The following TACC3 variants were observed in gnomAD, a reference collection of about 807,000 sequenced individuals.
The protein encoded by TACC3 is transforming acidic coiled-coil-containing protein 3.
TACC3 carries 52 observed loss-of-function variants against 86.0 expected under a neutral mutation model. The observed-to-expected ratio is 0.60, with a 90% confidence interval of 0.48 to 0.76. The LOEUF (loss-of-function observed/expected upper bound fraction) is 0.76, where lower values mean the gene tolerates loss of function less well. Ranked by LOEUF, TACC3 falls within the 30% of genes least tolerant of loss-of-function variation. The pLI is 0.00. For synonymous variants in TACC3, 512 were observed against 430.0 expected (o/e 1.19, Z -2.36); for missense variants, 1,120 against 1,070.4 (o/e 1.05, Z -0.65).
chr4:1,721,847 G>C (rs1470557163), intron 1 of TACC3: 3 of 152,268 alleles, frequency 2.0e-5, no homozygotes, highest in Non-Finnish European at 4.4e-5. Flanking sequence ...CCGCCGGGCT[G>C]GGCCCCCTGG....
chr4:1,737,197 A>G (rs375361717), intron 8 of TACC3, 44 bp from the exon 9 acceptor site: 45 of 1,531,214 alleles, frequency 2.9e-5, no homozygotes, highest in Non-Finnish European at 4.0e-5. Flanking sequence ...CCTACTCAAC[A>G]CTGGGAGGGC....
chr4:1,739,392 A>G (rs1577222960), intron 10 of TACC3: 1 of 456,576 alleles, frequency 2.2e-6, no homozygotes, highest in African/African-American at 2.0e-5. Context: ...AACACTTAGG[A>G]CCCCTAGTAT....
At chr4:1,730,745 C>G (rs1477848113) in intron 4 of TACC3, 142 bp from the exon 5 acceptor site, 1 of 994,824 alleles carries the variant, frequency 1.0e-6, no homozygotes, top group Non-Finnish European at 1.6e-6. Context: ...TGGGACAGCC[C>G]CATGCCTGGC....
intron 1 of TACC3, 107 bp downstream of exon 1, chr4:1,721,750 TC>T: frequency 6.6e-6 from 1 of 152,194 alleles, no homozygotes; most frequent in Non-Finnish European, 1.5e-5. Flanking sequence ...GCCGCCGCTT[TC>T]CCCGGGAAGC....
At position 1,728,140 on chromosome 4, in the gene TACC3, A is replaced by C. The variant is rs956284227; in HGVS notation, c.738A>C (p.Ala246=). 2 of 1,611,918 alleles carry C rather than the reference A, an allele frequency of 1.2e-6. No individual in the cohort carries two copies. Among genetic ancestry groups the C allele is most frequent in the East Asian group, 4.5e-5 (2 of 44,820 alleles). The change falls in exon 4 of 16, where the codon GCA becomes GCC. Residue 246 remains alanine (A), a synonymous_variant. Coordinates refer to ENST00000313288, the MANE Select transcript of TACC3 (RefSeq NM_006342.3). ...ACGGTGGGGTCTGTGCTCCCGCAGC[A>C]GTGGCCACTTCGCCTCCTGGTGCAA... ...CRHGGVCAPA[A]VATSPPGAIP... is the part of the protein sequence containing the mutation.
At chr4:1,720,855 G>GCA, upstream of TACC3, 1 of 1,560,924 alleles carries the variant, frequency 6.4e-7, no homozygotes, top group East Asian at 2.4e-5. This position sits in a 1 kb window ranked among gnomAD's most constrained non-coding sequence, Gnocchi z 4.4. Flanking sequence ...CCGCCGGGAA[G>GCA]CTGTCGAGCT....
upstream of TACC3, chr4:1,721,435 TC>T (rs1404506088): frequency 1.3e-4 from 20 of 151,690 alleles, no homozygotes; most frequent in East Asian, 3.9e-3. Context: ...ACGCCCGCCC[TC>T]CTGCGGTCCT....
Position 1,735,724 on chromosome 4 carries a change from TC to T in TACC3, c.1645-3del. 1.2e-6 allele frequency: 2 copies of T among 1,609,200 alleles called. No individual in the cohort carries two copies. Among genetic ancestry groups the T allele is most frequent in the African/African-American group, 1.3e-5 (1 of 74,946 alleles). The stretch of plus-strand genomic sequence containing the variant: ...TCAGACCTGATCACTTGCCCTCTTG[TC>T]CCCAGTTTAAGGAGTCGGCCTTGAG... On this transcript the variant is annotated splice_region_variant and splice_polypyrimidine_tract_variant and intron_variant, in intron 7 of 15. Transcript: ENST00000313288. This position sits in a 1 kb window ranked among gnomAD's most constrained non-coding sequence, Gnocchi z 4.2.
rs369625843 is a variant in TACC3, at chr4:1,737,498, CTG to C, written c.1837-99_1837-98del. 1.0e-3 allele frequency: 1,152 copies of C among 1,153,034 alleles called. 9 individuals are homozygous for C. The African/African-American group carries it at 0.016, about 16-fold the overall frequency. 71.4% of individuals were successfully genotyped at this position (1,153,034 alleles called of 1,614,324 possible). A position where few individuals can be genotyped will look rare whatever the true frequency, so the allele number is the denominator to read the frequency against. On this transcript the variant is annotated intron_variant, in intron 9 of 15. Coordinates refer to ENST00000313288, the MANE Select transcript of TACC3 (RefSeq NM_006342.3). ...CTGTCTCGGGTCCCTCATGCACTGTCTGAGGCTCTTGGCCTGTGTGGGCCTTT... is the reference window on the plus strand; with the variant it reads ...CTGTCTCGGGTCCCTCATGCACTGTCAGGCTCTTGGCCTGTGTGGGCCTTT...
chr4:1,744,779 C>T lies in TACC3; in HGVS notation c.2398C>T (p.Leu800=), dbSNP rs750385653. ...QAEALALQAS[L]RKEQMRIQSL... ...GGAAGCGTTGGCCCTCCAGGCCAGCCTGAGGAAGGAGCAGATGCGCATCCA... is the reference window on the plus strand; with the variant it reads ...GGAAGCGTTGGCCCTCCAGGCCAGCTTGAGGAAGGAGCAGATGCGCATCCA... Residue 800 remains leucine (L), a synonymous_variant, in exon 15 of 16, where the codon CTG becomes TTG. Transcript: ENST00000313288. The T allele has an allele frequency of 1.9e-6, 3 of 1,612,748 alleles. No homozygotes were observed. In the South Asian group the frequency reaches 3.3e-5, roughly 18 times the overall value.
chr4:1,723,779 CCT>C lies in TACC3; in HGVS notation c.215_216del (p.Pro72GlnfsTer7). 6.2e-7 allele frequency: 1 copy of C among 1,613,860 alleles called. No homozygotes were observed. Among genetic ancestry groups the C allele is most frequent in the East Asian group, 2.2e-5 (1 of 44,892 alleles). On this transcript the variant is annotated frameshift_variant, in exon 3 of 16. Coordinates refer to ENST00000313288, the MANE Select transcript of TACC3 (RefSeq NM_006342.3). LOFTEE classifies it high-confidence loss of function. Reference sequence around the variant, plus strand: ...TCCACAGACGCACAGGATTCTAAGTCCTAGCATGGCCAGCAAACTTGAGGCTC... The same window carrying C: ...TCCACAGACGCACAGGATTCTAAGTCAGCATGGCCAGCAAACTTGAGGCTC... ...RDPQTHRILS[P>X]SMASKLEAPF...
chr4:1,722,829 C>T lies in TACC3; in HGVS notation c.-1-592C>T, dbSNP rs1717478281. Among the ~76,000 whole-genome samples the T allele has an allele frequency of 3.9e-5, 6 of 152,324 alleles. No homozygotes were observed. In the South Asian group the frequency reaches 1.0e-3, roughly 26 times the overall value. ...GCTCTGATGTGGAAGTTCCTTGGCACCTGTTGCTCAGCTCTGGGCTTCCCT... is the reference window on the plus strand; with the variant it reads ...GCTCTGATGTGGAAGTTCCTTGGCATCTGTTGCTCAGCTCTGGGCTTCCCT... On this transcript the variant is annotated intron_variant, in intron 1 of 15. Coordinates refer to ENST00000313288, the MANE Select transcript of TACC3 (RefSeq NM_006342.3).
chr4:1,731,331 A>C (rs755349345), intron 6 of TACC3, 30 bp downstream of exon 6: 1 of 1,610,562 alleles, frequency 6.2e-7, no homozygotes, highest in South Asian at 1.1e-5. Flanking sequence ...CGTCACACAC[A>C]GTCTGCCCGG....
intron 4 of TACC3, among the ~76,000 whole-genome samples, chr4:1,729,162 C>G (rs1717876799): frequency 6.6e-6 from 1 of 152,094 alleles, no homozygotes; most frequent in South Asian, 2.1e-4. Context: ...GCCTGGGTGG[C>G]GTCCGCTGCT....
intron 13 of TACC3, 126 bp from the exon 14 acceptor site, chr4:1,744,392 C>T (rs972811906): frequency 2.7e-5 from 22 of 819,610 alleles, no homozygotes; most frequent in East Asian, 2.0e-4. Context: ...AAAAGGAAAA[C>T]GGGAGCTACT....
chr4:1,724,379 CTTT>C (rs35896374), intron 3 of TACC3, among the ~76,000 whole-genome samples: 5 of 108,358 alleles, frequency 4.6e-5, no homozygotes, highest in African/African-American at 2.0e-4. Flanking sequence ...TCATACTTCA[CTTT>C]TTTTTTTTTT....
At position 1,730,034 on chromosome 4, in the gene TACC3, A is replaced by ATTTGTTTGTTTG. The variant is rs377531457; in HGVS notation, c.1386-845_1386-834dup. Among the ~76,000 whole-genome samples, 808 of 151,638 alleles carry ATTTGTTTGTTTG rather than the reference A, an allele frequency of 5.3e-3. 16 individuals carry two copies. Among genetic ancestry groups the ATTTGTTTGTTTG allele is most frequent in the African/African-American group, 0.018 (757 of 41,300 alleles). On this transcript the variant is annotated intron_variant, in intron 4 of 15. Coordinates refer to ENST00000313288, the MANE Select transcript of TACC3 (RefSeq NM_006342.3). The stretch of plus-strand genomic sequence containing the variant: ...ATATGGCCTGGTTTTTCCTAGGGTT[A>ATTTGTTTGTTTG]TTTGTTTGTTTGTTTGTTTTTTGAG...
chr4:1,743,259 A>C (rs1387904802), intron 13 of TACC3, among the ~76,000 whole-genome samples: 1 of 55,730 alleles, frequency 1.8e-5, no homozygotes, highest in African/African-American at 5.9e-5. Flanking sequence ...CGTCTCAAAA[A>C]AAAAAAAAAA....
intron 1 of TACC3, 150 bp from the exon 2 acceptor site, chr4:1,723,250 CAGTCTGAGGCTTTCTCTGCCA>C: frequency 1.5e-6 from 1 of 665,068 alleles, no homozygotes; most frequent in South Asian, 2.0e-5. Context: ...GATGGGGACT[CAGTCTGAGGCTTTCTCTGCCA>C]AGAGACACGT....
Sources: gnomAD v4.1 joint callset for allele counts (sites outside exome capture counted in the v4.1 genomes callset) on GRCh38, gnomAD v4.1.1 for gene constraint, Gnocchi (gnomAD v3.1) non-coding constraint, MANE v1.5 for transcripts, NCBI Gene and HGNC (gene_info 2026-07-23, HGNC 2026-07-21) for gene names.